Variants in NDRG1 observed in about 807,000 individuals in gnomAD.
The protein encoded by NDRG1 is N-myc downstream regulated 1, also known as protein NDRG1.
In NDRG1, 32 loss-of-function variants were observed where a neutral mutation model predicts 56.9. That is an observed-to-expected ratio of 0.56 (90% CI 0.42 to 0.76). The LOEUF is 0.76. Ranked by LOEUF, NDRG1 falls within the 30% of genes least tolerant of loss-of-function variation. The probability of loss-of-function intolerance (pLI) is 0.00; values close to 1 mark genes in which losing one functional copy is unlikely to be tolerated. For missense variants in NDRG1, 507 were observed against 545.7 expected (o/e 0.93, Z 0.71); for synonymous variants, 211 against 204.1 (o/e 1.03, Z -0.29).
intron 3 of NDRG1, among the ~76,000 whole-genome samples, chr8:133,278,930 GC>G (rs1857614628): frequency 8.2e-6 from 1 of 121,630 alleles, no homozygotes; most frequent in Non-Finnish European, 1.7e-5. Context: ...CACTCTTGTT[GC>G]CCAGGCTGGA....
At chr8:133,248,222 A>G (rs1855802303) in intron 11 of NDRG1, among the ~76,000 whole-genome samples, 1 of 152,216 alleles carries the variant, frequency 6.6e-6, no homozygotes, top group Non-Finnish European at 1.5e-5. Flanking sequence ...GACCGAAACA[A>G]GAACAGCATG....
intron 2 of NDRG1, chr8:133,281,195 T>C (rs1857779236): frequency 1.3e-5 from 2 of 151,978 alleles, no homozygotes; most frequent in South Asian, 4.2e-4. Flanking sequence ...CCGTCTCTAC[T>C]AAAAATACAA....
intron 1 of NDRG1, among the ~76,000 whole-genome samples, chr8:133,286,225 A>C (rs1858106491): frequency 6.6e-6 from 1 of 152,254 alleles, no homozygotes; most frequent in African/African-American, 2.4e-5. Flanking sequence ...AATGTAGCTC[A>C]ACAGCATGCT....
At chr8:133,248,078 C>G (rs905917250) in intron 11 of NDRG1, 152 bp from the exon 12 acceptor site, 2 of 749,264 alleles carry the variant, frequency 2.7e-6, no homozygotes, top group Non-Finnish European at 4.8e-6. Context: ...CTCCTTTGAT[C>G]TTAGGATAAC....
At position 133,238,625 on chromosome 8, in the gene NDRG1, G is replaced by C; in HGVS notation, c.*253C>G. The C allele has an allele frequency of 1.8e-6, 1 of 559,752 alleles. No individual in the cohort carries two copies. Among genetic ancestry groups the C allele is most frequent in the East Asian group, 2.9e-5 (1 of 34,126 alleles). 34.7% of individuals were successfully genotyped at this position (559,752 alleles called of 1,614,324 possible). ...GAGGGAGGGGAGGAGAGTGGCAACC[G>C]GCCACTGGTTAATGGAAGAGGATGC... On this transcript the variant is annotated 3_prime_UTR_variant, in exon 16 of 16. Coordinates refer to ENST00000323851, the MANE Select transcript of NDRG1 (RefSeq NM_006096.4).
Position 133,244,581 on chromosome 8 carries a change from C to T in NDRG1, c.856-191G>A, listed in dbSNP as rs1214056783. 9 of 671,502 alleles carry T rather than the reference C, an allele frequency of 1.3e-5. No individual in the cohort carries two copies. In the East Asian group the frequency reaches 1.4e-4, roughly 10 times the overall value. 41.6% of individuals were successfully genotyped at this position (671,502 alleles called of 1,614,324 possible). A position where few individuals can be genotyped will look rare whatever the true frequency, so the allele number is the denominator to read the frequency against. On this transcript the variant is annotated intron_variant, in intron 13 of 15. Coordinates refer to ENST00000323851, the MANE Select transcript of NDRG1 (RefSeq NM_006096.4). ...CACCAGGCAAGGCTGCTGGTGTCTC[C>T]GTGGCAACCATCACTTGCAGCTTGC...
At chr8:133,242,368 C>T (rs1032202245) in intron 14 of NDRG1, among the ~76,000 whole-genome samples, 5 of 152,188 alleles carry the variant, frequency 3.3e-5, no homozygotes, top group Admixed American at 3.3e-4. Flanking sequence ...GATTACCATC[C>T]ACAAAGGGAC....
chr8:133,268,533 G>A (rs1452104328), intron 3 of NDRG1, among the ~76,000 whole-genome samples: 2 of 152,232 alleles, frequency 1.3e-5, no homozygotes, highest in Non-Finnish European at 2.9e-5. Context: ...GGGCAGGGCT[G>A]CTTCCCAGGC....
At chr8:133,240,955 T>C (rs1855346003) in intron 15 of NDRG1, 1 of 152,144 alleles carries the variant, frequency 6.6e-6, no homozygotes, top group Non-Finnish European at 1.5e-5. Context: ...GCAGATAGCT[T>C]CTGTTGGAAG....
intron 10 of NDRG1, 48 bp downstream of exon 10, chr8:133,250,392 A>G: frequency 6.7e-7 from 1 of 1,502,556 alleles, no homozygotes; most frequent in Non-Finnish European, 9.3e-7. Flanking sequence ...GGATCTACAG[A>G]AGACACCTCA....
At chr8:133,246,726 C>G (rs372407631) in intron 12 of NDRG1, 63 bp from the exon 13 acceptor site, 17 of 1,441,764 alleles carry the variant, frequency 1.2e-5, no homozygotes, top group Non-Finnish European at 1.6e-5. Context: ...ACATCTCCCC[C>G]TTCTCCGCCA....
chr8:133,238,662 G>T lies in NDRG1; in HGVS notation c.*216C>A. On this transcript the variant is annotated 3_prime_UTR_variant, in exon 16 of 16. Coordinates refer to ENST00000323851, the MANE Select transcript of NDRG1 (RefSeq NM_006096.4). ...ATGGAAGAGGATGCGATGCGGAGATGCTTGCTTCCTTCCTTTGGTCCACCG... is the reference window on the plus strand; with the variant it reads ...ATGGAAGAGGATGCGATGCGGAGATTCTTGCTTCCTTCCTTTGGTCCACCG... 1.6e-6 allele frequency: 1 copy of T among 612,676 alleles called. No individual in the cohort carries two copies. Among genetic ancestry groups the T allele is most frequent in the African/African-American group, 1.8e-5 (1 of 54,246 alleles). The allele number at this position is 612,676 out of a possible 1,614,324, so 38.0% of individuals were successfully genotyped here. A position where few individuals can be genotyped will look rare whatever the true frequency, so the allele number is the denominator to read the frequency against.
intron 14 of NDRG1, 39 bp from the exon 15 acceptor site, chr8:133,242,113 G>C (rs779276759): frequency 6.2e-7 from 1 of 1,612,762 alleles, no homozygotes; most frequent in Non-Finnish European, 8.5e-7. Context: ...TCAGTTGCTG[G>C]GGAGCCAGAT....
chr8:133,254,626 A>G, intron 8 of NDRG1, 31 bp from the exon 9 acceptor site: 1 of 1,610,692 alleles, frequency 6.2e-7, no homozygotes, highest in Admixed American at 1.7e-5. Context: ...TGGATGAGAA[A>G]CCAGGAGCTA....
rs550072499 is a variant in NDRG1 at position 133,275,012 on chromosome 8, T to G, written c.99+5220A>C. ...CTGTCGCTTTGCTGCAACTCCCATG[T>G]GAATCTGAGGTCAGATTATGCTGAC... On this transcript the variant is annotated intron_variant, in intron 3 of 15. Coordinates refer to ENST00000323851, the MANE Select transcript of NDRG1 (RefSeq NM_006096.4). 7.2e-5 allele frequency among the ~76,000 whole-genome samples: 11 copies of G among 152,326 alleles called. No homozygotes were observed. The East Asian group carries it at 2.1e-3, about 29-fold the overall frequency.
intron 3 of NDRG1, among the ~76,000 whole-genome samples, chr8:133,279,252 G>A (rs563852930): frequency 2.0e-5 from 3 of 152,296 alleles, no homozygotes; most frequent in African/African-American, 7.2e-5. Flanking sequence ...CCAGGATGAT[G>A]AGAAAATACA....
chr8:133,249,065 G>A (rs965341795), intron 10 of NDRG1, among the ~76,000 whole-genome samples: 1 of 152,218 alleles, frequency 6.6e-6, no homozygotes, highest in African/African-American at 2.4e-5. Flanking sequence ...ACCATAGAGG[G>A]TCCCCGCCTT....
chr8:133,288,976 C>G (rs929442985), intron 1 of NDRG1, among the ~76,000 whole-genome samples: 1 of 152,216 alleles, frequency 6.6e-6, no homozygotes. Context: ...GCCAGAGAAG[C>G]GAAAGGTAGC....
intron 3 of NDRG1, among the ~76,000 whole-genome samples, chr8:133,268,115 T>C (rs1857008370): frequency 6.6e-6 from 1 of 152,100 alleles, no homozygotes; most frequent in Admixed American, 6.5e-5. Flanking sequence ...TCTCACTCAC[T>C]TTCTGTCCAC....
Sources: gnomAD v4.1 joint callset for allele counts (sites outside exome capture counted in the v4.1 genomes callset) on GRCh38, gnomAD v4.1.1 for gene constraint, MANE v1.5 for transcripts, NCBI Gene and HGNC (gene_info 2026-07-23, HGNC 2026-07-21) for gene names.